Variants in FXYD5 observed in about 807,000 individuals in gnomAD.
FXYD5 encodes FXYD domain containing ion transport regulator 5, also known as FXYD domain-containing ion transport regulator 5.
In FXYD5, 21 loss-of-function variants were observed where a neutral mutation model predicts 25.7. The ratio of observed to expected loss-of-function variants is 0.82; its 90% CI spans 0.58 to 1.18. The LOEUF (loss-of-function observed/expected upper bound fraction) is 1.18, where lower values mean the gene tolerates loss of function less well. FXYD5 is among the 50% of genes most tolerant of loss of function. The pLI, the probability that FXYD5 is intolerant of heterozygous loss-of-function variation, is 0.00. For missense variants in FXYD5, 229 were observed against 227.7 expected (o/e 1.01, Z -0.04); for synonymous variants, 101 against 90.7 (o/e 1.11, Z -0.64).
chr19:35,163,305 C>T (rs1009404018), intron 5 of FXYD5, among the ~76,000 whole-genome samples: 3 of 151,940 alleles, frequency 2.0e-5, no homozygotes, highest in Non-Finnish European at 2.9e-5. Flanking sequence ...TTGGGTTTCA[C>T]GAGGGAGCTT....
At chr19:35,168,777 C>T (rs2065472860) in intron 8 of FXYD5, among the ~76,000 whole-genome samples, 1 of 152,100 alleles carries the variant, frequency 6.6e-6, no homozygotes, top group Non-Finnish European at 1.5e-5. Context: ...AATGTCACCT[C>T]CTTGGCAGGC....
intron 2 of FXYD5, among the ~76,000 whole-genome samples, chr19:35,157,210 C>T (rs1432657195): frequency 6.6e-6 from 1 of 152,158 alleles, no homozygotes; most frequent in Non-Finnish European, 1.5e-5. Context: ...TTTCCCATCC[C>T]ACAGGGATGG....
chr19:35,156,268 G>A (rs925637498), intron 2 of FXYD5, among the ~76,000 whole-genome samples: 1 of 152,180 alleles, frequency 6.6e-6, no homozygotes. Context: ...AACCCAGGGT[G>A]CATGCCCCAC....
chr19:35,155,505 G>C (rs1477477976), intron 1 of FXYD5, 46 bp from the exon 2 acceptor site: 1 of 1,529,128 alleles, frequency 6.5e-7, no homozygotes, highest in Non-Finnish European at 9.0e-7. Context: ...CCGGAGGTCG[G>C]TCTCACTGAC....
chr19:35,166,470 C>G (rs771089322), intron 8 of FXYD5, 145 bp downstream of exon 8: 10 of 593,726 alleles, frequency 1.7e-5, no homozygotes, highest in Non-Finnish European at 2.7e-5. Context: ...CCACAGAATT[C>G]AGTGGTTTAA....
intron 6 of FXYD5, among the ~76,000 whole-genome samples, chr19:35,165,293 C>T (rs1260387696): frequency 6.6e-6 from 1 of 152,212 alleles, no homozygotes; most frequent in Non-Finnish European, 1.5e-5. Context: ...ATATGCTAAA[C>T]AAGGGGTGGA....
chr19:35,165,998 G>T, intron 6 of FXYD5, 144 bp from the exon 7 acceptor site: 1 of 765,792 alleles, frequency 1.3e-6, no homozygotes, highest in Admixed American at 1.8e-5. Context: ...GAGGAATAAT[G>T]GGAGCCAGAT....
intron 5 of FXYD5, among the ~76,000 whole-genome samples, chr19:35,163,616 G>T (rs932265813): frequency 6.6e-6 from 1 of 151,982 alleles, no homozygotes; most frequent in Non-Finnish European, 1.5e-5. Flanking sequence ...CAAGTATCTG[G>T]GATTACAGGT....
intron 2 of FXYD5, chr19:35,156,739 G>C (rs772150034): frequency 3.3e-5 from 5 of 152,806 alleles, no homozygotes; most frequent in Non-Finnish European, 1.5e-5. Flanking sequence ...TACGGGCCAC[G>C]TGAGGGCTTT....
intron 4 of FXYD5, chr19:35,159,878 G>A: frequency 2.1e-6 from 1 of 478,322 alleles, no homozygotes; most frequent in Non-Finnish European, 3.6e-6. Flanking sequence ...AGACAATACA[G>A]GGCAAAGGAC....
rs2065431320 is a variant in FXYD5 at position 35,164,206 on chromosome 19, ACAGACGTCCAGACAGACCCC to A, written c.349_368del (p.Val117ProfsTer8). The A allele has an allele frequency of 1.9e-6, 3 of 1,613,822 alleles. No homozygotes were observed. Among genetic ancestry groups the A allele is most frequent in the African/African-American group, 1.3e-5 (1 of 74,878 alleles). The stretch of plus-strand genomic sequence containing the variant: ...GCTCTCTGAGAGACCATCCCCAAGC[ACAGACGTCCAGACAGACCCC>A]CAGACCCTCAAGCCATCTGGTTAGT... On this transcript the variant is annotated frameshift_variant, in exon 6 of 9. Coordinates refer to ENST00000392219, the MANE Select transcript of FXYD5 (RefSeq NM_014164.6). LOFTEE classifies it high-confidence loss of function.
chr19:35,163,726 C>T (rs1401676819), intron 5 of FXYD5, among the ~76,000 whole-genome samples: 1 of 152,128 alleles, frequency 6.6e-6, no homozygotes, highest in Non-Finnish European at 1.5e-5. Flanking sequence ...AGGTGATCTG[C>T]CCGCCTCAGT....
In FXYD5 at chr19:35,169,127, C is replaced by T. The variant is rs193172121; in HGVS notation, c.488-439C>T. ...AGTAGCCATCCCTGTGAGGATGAGC[C>T]CAGCTCCTGGGCCTCCATGCCTCCT... On this transcript the variant is annotated intron_variant, in intron 8 of 8. Transcript: ENST00000392219. 1.8e-4 allele frequency among the ~76,000 whole-genome samples: 28 copies of T among 152,092 alleles called. 1 individual carries two copies. The highest frequency in any genetic ancestry group is 1.8e-3 in the Admixed American group (28 of 15,282).
Position 35,157,476 on chromosome 19 carries a change from C to A in FXYD5, c.117C>A (p.Asp39Glu). The change falls in exon 3 of 9, where the codon GAC becomes GAA. Residue 39 changes from aspartate to glutamate, a missense_variant. Coordinates refer to ENST00000392219, the MANE Select transcript of FXYD5 (RefSeq NM_014164.6). Reference protein sequence around the residue: ...SSSSADSTIMDIQVPTRAPDA... With the variant: ...SSSSADSTIMEIQVPTRAPDA... ...CTTCAGCAGACTCAACTATCATGGA[C>A]ATTCAGGTCCCGACACGAGCCCCAG... The A allele has an allele frequency of 1.3e-6, 2 of 1,577,346 alleles. No individual in the cohort carries two copies. The highest frequency in any genetic ancestry group is 1.7e-6 in the Non-Finnish European group (2 of 1,146,812).
chr19:35,164,198 C>T lies in FXYD5; in HGVS notation c.335C>T (p.Ser112Phe). Residue 112 changes from serine (S) to phenylalanine (F), a missense_variant, in exon 6 of 9, where the codon TCC becomes TTC. Coordinates refer to ENST00000392219, the MANE Select transcript of FXYD5 (RefSeq NM_014164.6). ...ACCACGACGCTCTCTGAGAGACCATCCCCAAGCACAGACGTCCAGACAGAC... is the reference window on the plus strand; with the variant it reads ...ACCACGACGCTCTCTGAGAGACCATTCCCAAGCACAGACGTCCAGACAGAC... ...DDTTTLSERP[S>F]PSTDVQTDPQ... 6.2e-7 allele frequency: 1 copy of T among 1,614,088 alleles called. No individual in the cohort carries two copies. The highest frequency in any genetic ancestry group is 8.5e-7 in the Non-Finnish European group (1 of 1,179,996).
chr19:35,163,880 G>A (rs1021383385), intron 5 of FXYD5, among the ~76,000 whole-genome samples: 2 of 152,182 alleles, frequency 1.3e-5, no homozygotes, highest in Non-Finnish European at 2.9e-5. Context: ...CTGGATTATA[G>A]TGTGGGCCAG....
chr19:35,162,217 G>A (rs766050175), intron 5 of FXYD5, among the ~76,000 whole-genome samples: 12 of 152,192 alleles, frequency 7.9e-5, no homozygotes, highest in Non-Finnish European at 1.6e-4. Context: ...CTGAGCCTCT[G>A]GGTTGCCTAG....
chr19:35,157,311 G>C (rs1260164605), intron 2 of FXYD5, 110 bp from the exon 3 acceptor site: 15 of 644,592 alleles, frequency 2.3e-5, no homozygotes, highest in Non-Finnish European at 3.9e-5. Context: ...AAAGCTGAGT[G>C]ATTCCACCAG....
In FXYD5 at chr19:35,169,820, G is replaced by C. The variant is rs2065483436; in HGVS notation, c.*205G>C. The C allele has an allele frequency of 1.7e-6, 1 of 585,910 alleles. No individual in the cohort carries two copies. Among genetic ancestry groups the C allele is most frequent in the South Asian group, 2.0e-5 (1 of 49,624 alleles). The allele number at this position is 585,910 out of a possible 1,614,324, so 36.3% of individuals were successfully genotyped here. On this transcript the variant is annotated 3_prime_UTR_variant, in exon 9 of 9. Transcript: ENST00000392219. ...GCCCCTGAAGGCTACCTGGCGCCTT[G>C]GGGGCTGTCCCTCAAGTTATCTCCT...
Sources: allele counts gnomAD v4.1 joint callset (sites outside exome capture counted in the v4.1 genomes callset), GRCh38; gene constraint gnomAD v4.1.1; transcripts MANE v1.5; gene names NCBI Gene and HGNC (gene_info 2026-07-23, HGNC 2026-07-21).